The following KITLG variants were observed in gnomAD, a reference collection of about 807,000 sequenced individuals.
KITLG encodes the protein KIT ligand, also known as c-Kit ligand.
A neutral mutation model predicts 34.1 loss-of-function variants in KITLG; 13 were observed. The observed-to-expected ratio is 0.38, with a 90% CI of 0.25 to 0.61. The LOEUF (loss-of-function observed/expected upper bound fraction) is 0.61, where lower values mean the gene tolerates loss of function less well. KITLG is among the 20% of genes least tolerant of loss of function. KITLG has a pLI of 0.60. For synonymous variants in KITLG, 110 were observed against 104.0 expected (o/e 1.06, Z -0.35); for missense variants, 292 against 318.9 (o/e 0.92, Z 0.64).
chr12:88,530,778 T>TA (rs1006394213), intron 3 of KITLG, among the ~76,000 whole-genome samples: 20 of 152,034 alleles, frequency 1.3e-4, no homozygotes, highest in African/African-American at 4.1e-4. Flanking sequence ...TAAGGAATTC[T>TA]AAAAAAAACT....
chr12:88,561,422 T>C (rs979079133), intron 1 of KITLG, among the ~76,000 whole-genome samples: 1 of 152,154 alleles, frequency 6.6e-6, no homozygotes, highest in African/African-American at 2.4e-5. Context: ...TCTGATCATA[T>C]TTTCTACCAG....
chr12:88,560,580 G>A (rs1871261919), intron 1 of KITLG, among the ~76,000 whole-genome samples: 3 of 152,180 alleles, frequency 2.0e-5, no homozygotes, highest in Admixed American at 2.0e-4. Flanking sequence ...TAAAAGTGAG[G>A]CAAAAATTGT....
Position 88,521,851 on chromosome 12 carries a change from T to G in KITLG, c.193-2984A>C, listed in dbSNP as rs144551610. On this transcript the variant is annotated intron_variant, in intron 3 of 9. Coordinates refer to ENST00000644744, the MANE Select transcript of KITLG (RefSeq NM_000899.5). Reference sequence around the variant, plus strand: ...TGTCTTATGTTTTCTTGGTTAATTATAGCAGCTCTAGCTAGGACTACTAAA... The same window carrying G: ...TGTCTTATGTTTTCTTGGTTAATTAGAGCAGCTCTAGCTAGGACTACTAAA... 8.2e-3 allele frequency among the ~76,000 whole-genome samples: 1,244 copies of G among 152,290 alleles called. 11 individuals carry two copies. Among genetic ancestry groups the G allele is most frequent in the Middle Eastern group, 0.017 (5 of 294 alleles).
chr12:88,565,422 C>A (rs1369240432), intron 1 of KITLG, among the ~76,000 whole-genome samples: 1 of 152,074 alleles, frequency 6.6e-6, no homozygotes, highest in Non-Finnish European at 1.5e-5. Flanking sequence ...ATCAAGAGAT[C>A]GAGACCATCC....
At chr12:88,555,877 T>C (rs1367903111) in intron 1 of KITLG, among the ~76,000 whole-genome samples, 1 of 152,184 alleles carries the variant, frequency 6.6e-6, no homozygotes, top group Non-Finnish European at 1.5e-5. Flanking sequence ...CTATGATCAC[T>C]GGCCTCAGGA....
chr12:88,529,123 C>T (rs1217360047), intron 3 of KITLG, among the ~76,000 whole-genome samples: 1 of 152,140 alleles, frequency 6.6e-6, no homozygotes, highest in Non-Finnish European at 1.5e-5. Context: ...TAAATATACA[C>T]AACTCTTATG....
At chr12:88,564,313 C>G (rs1483309678) in intron 1 of KITLG, 1 of 152,020 alleles carries the variant, frequency 6.6e-6, no homozygotes, top group Admixed American at 6.6e-5. Context: ...TCAAGGTAAT[C>G]CTTTGAGCTT....
chr12:88,542,274 A>G (rs1870543849), intron 2 of KITLG, among the ~76,000 whole-genome samples: 1 of 152,174 alleles, frequency 6.6e-6, no homozygotes, highest in East Asian at 1.9e-4. Flanking sequence ...AGAAATGAAC[A>G]TAAGGCATAT....
Position 88,544,291 on chromosome 12 carries a change from T to C in KITLG, c.129+1461A>G, listed in dbSNP as rs150405974. Among the ~76,000 whole-genome samples the C allele has an allele frequency of 2.9e-3, 446 of 152,280 alleles. 2 individuals carry two copies. Among genetic ancestry groups the C allele is most frequent in the Non-Finnish European group, 4.7e-3 (321 of 68,028 alleles). On this transcript the variant is annotated intron_variant, in intron 2 of 9. Transcript: ENST00000644744. ...TTTATCCTCAGATCCCGCTGACATA[T>C]TATCTCTATTTAACAGATGAAGAAA...
intron 8 of KITLG, among the ~76,000 whole-genome samples, chr12:88,505,509 A>G (rs1231130267): frequency 1.3e-5 from 2 of 152,174 alleles, no homozygotes; most frequent in Non-Finnish European, 2.9e-5. Flanking sequence ...GTGTCTGTGT[A>G]TACATACAGG....
chr12:88,540,313 A>G (rs995301907), intron 2 of KITLG, among the ~76,000 whole-genome samples: 4 of 152,156 alleles, frequency 2.6e-5, no homozygotes, highest in African/African-American at 7.2e-5. Context: ...ATAGGTAGTT[A>G]AGGGGTCAAA....
chr12:88,498,223 C>G (rs144327940), intron 9 of KITLG, among the ~76,000 whole-genome samples: 1 of 152,206 alleles, frequency 6.6e-6, no homozygotes, highest in Non-Finnish European at 1.5e-5. Context: ...TTTATCAACC[C>G]AGCATCACAG....
intron 1 of KITLG, among the ~76,000 whole-genome samples, chr12:88,554,628 T>A (rs1205058675): frequency 6.6e-6 from 1 of 152,166 alleles, no homozygotes; most frequent in African/African-American, 2.4e-5. Context: ...TGAGTTCAGG[T>A]CTTCTTAACT....
At chr12:88,546,611 A>G (rs1283394148) in intron 1 of KITLG, among the ~76,000 whole-genome samples, 1 of 152,208 alleles carries the variant, frequency 6.6e-6, no homozygotes, top group Non-Finnish European at 1.5e-5. Flanking sequence ...GAGTTTCAAG[A>G]ACTTGTGCAA....
At chr12:88,543,333 C>G (rs1870588919) in intron 2 of KITLG, among the ~76,000 whole-genome samples, 1 of 152,082 alleles carries the variant, frequency 6.6e-6, no homozygotes, top group Non-Finnish European at 1.5e-5. Flanking sequence ...CATTGTTCAA[C>G]TCCCACTTAT....
intron 6 of KITLG, among the ~76,000 whole-genome samples, chr12:88,507,381 G>A (rs1869104647): frequency 6.6e-6 from 1 of 152,142 alleles, no homozygotes; most frequent in Non-Finnish European, 1.5e-5. Flanking sequence ...ATCTGGCTTG[G>A]GTAATTCTGA....
At chr12:88,503,753 C>A (rs1209799472) in intron 9 of KITLG, among the ~76,000 whole-genome samples, 1 of 152,156 alleles carries the variant, frequency 6.6e-6, no homozygotes, top group Non-Finnish European at 1.5e-5. Context: ...ACAGTCACAG[C>A]ACCTGTCTGC....
chr12:88,494,998 T>G lies in KITLG; in HGVS notation c.*2221A>C, dbSNP rs777416950. On this transcript the variant is annotated 3_prime_UTR_variant, in exon 10 of 10. Coordinates refer to ENST00000644744, the MANE Select transcript of KITLG (RefSeq NM_000899.5). ...CTATTGTTCATGCATTTTATTCAAC[T>G]TTAGTGTTTTAAAAATTGGCAATCC... 2.0e-4 allele frequency: 30 copies of G among 152,072 alleles called. No individual in the cohort carries two copies. The highest frequency in any genetic ancestry group is 3.7e-4 in the Non-Finnish European group (25 of 67,968). 9.4% of individuals were successfully genotyped at this position (152,072 alleles called of 1,614,324 possible).
At chr12:88,508,361 T>C (rs1394494208) in intron 6 of KITLG, among the ~76,000 whole-genome samples, 1 of 152,222 alleles carries the variant, frequency 6.6e-6, no homozygotes, top group Non-Finnish European at 1.5e-5. Context: ...ACTATGTGTG[T>C]ATCAACATCT....
Sources: gnomAD v4.1 joint callset for allele counts (sites outside exome capture counted in the v4.1 genomes callset) on GRCh38, gnomAD v4.1.1 for gene constraint, MANE v1.5 for transcripts, NCBI Gene and HGNC (gene_info 2026-07-23, HGNC 2026-07-21) for gene names.